ADGRG6: variants seen among roughly 807,000 people sequenced by gnomAD.
The protein encoded by ADGRG6 is adhesion G protein-coupled receptor G6, also known as G-protein coupled receptor 126.
A neutral mutation model predicts 142.4 loss-of-function variants in ADGRG6; 84 were observed. The ratio of observed to expected loss-of-function variants is 0.59; its 90% CI spans 0.49 to 0.71. The LOEUF (loss-of-function observed/expected upper bound fraction) is 0.71, where lower values mean the gene tolerates loss of function less well. Ranked by LOEUF, ADGRG6 falls within the 30% of genes least tolerant of loss-of-function variation. The probability of loss-of-function intolerance (pLI) is 0.00; values close to 1 mark genes in which losing one functional copy is unlikely to be tolerated. For missense variants in ADGRG6, 1,367 were observed against 1,466.6 expected (o/e 0.93, Z 1.11); for synonymous variants, 521 against 520.5 (o/e 1.00, Z -0.01).
chr6:142,389,734 TTTAATAGAAGTA>T, intron 6 of ADGRG6, among the ~76,000 whole-genome samples: 1 of 152,012 alleles, frequency 6.6e-6, no homozygotes, highest in Non-Finnish European at 1.5e-5. Context: ...AGCCTAGTAG[TTTAATAGAAGTA>T]TTTTATTAAG....
chr6:142,353,815 G>T (rs1291408621), intron 2 of ADGRG6, among the ~76,000 whole-genome samples: 1 of 152,146 alleles, frequency 6.6e-6, no homozygotes, highest in Non-Finnish European at 1.5e-5. Flanking sequence ...TAAAAATGAC[G>T]TCATGAAGCA....
intron 22 of ADGRG6, among the ~76,000 whole-genome samples, chr6:142,433,447 A>G (rs1777312153): frequency 6.6e-6 from 1 of 152,226 alleles, no homozygotes; most frequent in African/African-American, 2.4e-5. Context: ...TAGGTATGGA[A>G]AGGCTTTAAA....
At position 142,367,657 on chromosome 6, in the gene ADGRG6, C is replaced by T. The variant is rs770504097; in HGVS notation, c.192C>T (p.Ser64=). ...GCTACCCTAACGACTACCCAAACAG[C>T]CAGGCTTGCATGTGGACGCTCCGAG... ...SPCYPNDYPN[S]QACMWTLRAP... Residue 64 remains serine (S), a synonymous_variant, in exon 3 of 25, where the codon AGC becomes AGT. Coordinates refer to ENST00000367609, the MANE Select transcript of ADGRG6 (RefSeq NM_198569.3). 1.2e-6 allele frequency: 2 copies of T among 1,613,846 alleles called. No homozygotes were observed. Among genetic ancestry groups the T allele is most frequent in the South Asian group, 1.1e-5 (1 of 91,064 alleles).
At chr6:142,317,277 T>G (rs1170715287) in intron 2 of ADGRG6, among the ~76,000 whole-genome samples, 1 of 152,046 alleles carries the variant, frequency 6.6e-6, no homozygotes, top group Admixed American at 6.6e-5. Context: ...AAGTTCTCTT[T>G]GAATTTTAAG....
At chr6:142,304,239 A>G (rs915224014) in intron 1 of ADGRG6, among the ~76,000 whole-genome samples, 1 of 152,202 alleles carries the variant, frequency 6.6e-6, no homozygotes, top group Admixed American at 6.5e-5. Context: ...TTCAGAAACT[A>G]CTTAAGTGTA....
At chr6:142,372,704 T>C (rs1781315943) in intron 4 of ADGRG6, among the ~76,000 whole-genome samples, 1 of 152,194 alleles carries the variant, frequency 6.6e-6, no homozygotes. Context: ...CAGGGACTCC[T>C]TGAGAAGTCT....
At chr6:142,411,502 G>A (rs766812372) in intron 18 of ADGRG6, 91 bp downstream of exon 18, 30 of 742,424 alleles carry the variant, frequency 4.0e-5, no homozygotes, top group Non-Finnish European at 7.5e-5. Context: ...TATGTATTTT[G>A]GGAATTATTT....
At chr6:142,431,843 A>T (rs1777222400) in intron 22 of ADGRG6, among the ~76,000 whole-genome samples, 2 of 152,114 alleles carry the variant, frequency 1.3e-5, no homozygotes, top group Admixed American at 1.3e-4. Flanking sequence ...GAATTGCTTG[A>T]ACCCAGGGGG....
At chr6:142,332,690 G>A (rs1032137030) in intron 2 of ADGRG6, among the ~76,000 whole-genome samples, 3 of 152,184 alleles carry the variant, frequency 2.0e-5, no homozygotes, top group East Asian at 1.9e-4. Context: ...TTTTGCAAGA[G>A]AGACACAATA....
chr6:142,370,526 T>C lies in ADGRG6; in HGVS notation c.802T>C (p.Phe268Leu). 6.2e-7 allele frequency: 1 copy of C among 1,613,782 alleles called. No individual in the cohort carries two copies. The highest frequency in any genetic ancestry group is 2.2e-5 in the East Asian group (1 of 44,872). ...NNSLGSIGVN[F>L]KRNYETVPCD... ...TTCTTTGGGCTCTATTGGTGTAAAT[T>C]TCAAAAGAAACTATGAAACAGTTCC... Residue 268 changes from phenylalanine to leucine, a missense_variant, in exon 4 of 25, where the codon TTC (phenylalanine) becomes CTC (leucine). By Grantham distance (22) the Phe-to-Leu change is conservative (BLOSUM62 0). This residue lies in a region of ADGRG6 where 737 missense variants were observed against 746.5 expected (regional missense o/e 0.99). Coordinates refer to ENST00000367609, the MANE Select transcript of ADGRG6 (RefSeq NM_198569.3).
At chr6:142,312,679 TGG>T (rs1777828052) in intron 2 of ADGRG6, among the ~76,000 whole-genome samples, 3 of 152,098 alleles carry the variant, frequency 2.0e-5, no homozygotes, top group African/African-American at 7.2e-5. Context: ...ATGTGTACAT[TGG>T]TGTATCACTC....
chr6:142,318,291 A>T (rs1270287795), intron 2 of ADGRG6, among the ~76,000 whole-genome samples: 18 of 80,946 alleles, frequency 2.2e-4, no homozygotes, highest in Non-Finnish European at 3.4e-4. Context: ...ATATATTTAT[A>T]TATTATATAT....
intron 14 of ADGRG6, among the ~76,000 whole-genome samples, chr6:142,404,510 G>A (rs1759892323): frequency 1.3e-5 from 2 of 152,008 alleles, no homozygotes; most frequent in Admixed American, 1.3e-4. Context: ...CAGGCATGGT[G>A]GTGCAGGCCT....
chr6:142,367,719 A>T lies in ADGRG6; in HGVS notation c.254A>T (p.Asp85Val), dbSNP rs1289364755. The T allele has an allele frequency of 1.9e-6, 3 of 1,613,894 alleles. No homozygotes were observed. The highest frequency in any genetic ancestry group is 1.7e-6 in the Non-Finnish European group (2 of 1,179,846). The change falls in exon 3 of 25, where the codon GAC becomes GTC. Residue 85 changes from aspartate to valine, a missense_variant. Asp to Val is a radical substitution (Grantham distance 152, BLOSUM62 -3). Transcript: ENST00000367609. ...TGYIIQITFN[D>V]FDIEEAPNCI... ...TATATCATTCAGATAACATTTAACGACTTTGACATTGAAGAAGCTCCCAAT... is the reference window on the plus strand; with the variant it reads ...TATATCATTCAGATAACATTTAACGTCTTTGACATTGAAGAAGCTCCCAAT...
chr6:142,306,088 A>C (rs1777481095), intron 1 of ADGRG6, among the ~76,000 whole-genome samples: 1 of 152,186 alleles, frequency 6.6e-6, no homozygotes, highest in Admixed American at 6.5e-5. Context: ...CAGAGTTGGG[A>C]TATGGCGAAA....
chr6:142,335,010 T>C (rs186821851), intron 2 of ADGRG6, among the ~76,000 whole-genome samples: 1 of 152,210 alleles, frequency 6.6e-6, no homozygotes, highest in African/African-American at 2.4e-5. Flanking sequence ...CAAAAGCATG[T>C]CTAGAAAGAG....
intron 7 of ADGRG6, among the ~76,000 whole-genome samples, chr6:142,392,546 A>C (rs2114978378): frequency 6.6e-6 from 1 of 152,048 alleles, no homozygotes; most frequent in Non-Finnish European, 1.5e-5. Flanking sequence ...ATTTATTGCA[A>C]ATCTTCTTTA....
intron 22 of ADGRG6, among the ~76,000 whole-genome samples, chr6:142,426,965 G>A (rs1348742005): frequency 6.6e-6 from 1 of 152,152 alleles, no homozygotes; most frequent in African/African-American, 2.4e-5. Context: ...GGGACTCTGA[G>A]CCTGACCCAT....
chr6:142,369,106 A>G (rs1025850644), intron 3 of ADGRG6, among the ~76,000 whole-genome samples: 3 of 152,168 alleles, frequency 2.0e-5, no homozygotes, highest in African/African-American at 4.8e-5. Flanking sequence ...TTCTTGATGT[A>G]CTGAATATTA....
Sources: gnomAD v4.1 joint callset for allele counts (sites outside exome capture counted in the v4.1 genomes callset) on GRCh38, gnomAD v4.1.1 for gene constraint, gnomAD v4.1.1 regional missense constraint, MANE v1.5 for transcripts, NCBI Gene and HGNC (gene_info 2026-07-23, HGNC 2026-07-21) for gene names.